NEU3: variants seen among roughly 807,000 people sequenced by gnomAD.
NEU3 encodes sialidase-3.
In NEU3, 10 loss-of-function variants were observed where a neutral mutation model predicts 11.4. The observed-to-expected ratio is 0.88, with a 90% CI of 0.54 to 1.49. The LOEUF (loss-of-function observed/expected upper bound fraction) is 1.49, where lower values mean the gene tolerates loss of function less well. Ranked by LOEUF, NEU3 falls within the 40% of genes most tolerant of loss-of-function variation. NEU3 has a pLI of 0.00. For missense variants in NEU3, 529 were observed against 581.8 expected, an observed-to-expected ratio of 0.91 and a Z score of 0.93; for synonymous variants, 212 against 228.2, an observed-to-expected ratio of 0.93 and a Z score of 0.64.
At chr11:74,988,895 G>C (rs1948697156), upstream of NEU3, 6 of 634,002 alleles carry the variant, frequency 9.5e-6, no homozygotes, top group Non-Finnish European at 1.7e-5. Flanking sequence ...ACTACAGCCT[G>C]CGCCCGCCTC....
intron 1 of NEU3, among the ~76,000 whole-genome samples, chr11:74,993,706 CG>C (rs956489004): frequency 6.6e-6 from 1 of 152,014 alleles, no homozygotes; most frequent in Non-Finnish European, 1.5e-5. Context: ...TTATGGAGTC[CG>C]AGAAATCCAA....
upstream of NEU3, chr11:74,988,318 A>T (rs1948690912): frequency 6.6e-6 from 1 of 152,188 alleles, no homozygotes; most frequent in Non-Finnish European, 1.5e-5. Flanking sequence ...TGTAGGCATA[A>T]GCCACCAGGC....
chr11:74,990,687 C>A (rs938968731), intron 1 of NEU3, among the ~76,000 whole-genome samples: 4 of 152,138 alleles, frequency 2.6e-5, no homozygotes, highest in Non-Finnish European at 4.4e-5. Flanking sequence ...GAGCCCTAAC[C>A]CGCTCCATGC....
At chr11:74,998,176 A>C (rs11820284) in intron 2 of NEU3, among the ~76,000 whole-genome samples, 1 of 152,222 alleles carries the variant, frequency 6.6e-6, no homozygotes, top group Admixed American at 6.5e-5. Context: ...TTCACCATGT[A>C]ATATGGGCAC....
chr11:74,995,691 TTG>T (rs1459244554), intron 2 of NEU3, among the ~76,000 whole-genome samples: 1 of 152,208 alleles, frequency 6.6e-6, no homozygotes, highest in African/African-American at 2.4e-5. Context: ...TAATGATTAT[TTG>T]AACCTTTGGC....
intron 2 of NEU3, among the ~76,000 whole-genome samples, chr11:75,002,307 C>G (rs984207482): frequency 2.0e-5 from 3 of 152,160 alleles, no homozygotes; most frequent in African/African-American, 7.2e-5. Flanking sequence ...CTCTGAGAGT[C>G]TATGATCTGC....
At chr11:74,998,187 A>G (rs1217063174) in intron 2 of NEU3, among the ~76,000 whole-genome samples, 1 of 152,282 alleles carries the variant, frequency 6.6e-6, no homozygotes, top group Non-Finnish European at 1.5e-5. Flanking sequence ...ATATGGGCAC[A>G]GTTGTCATAC....
chr11:74,995,227 CAG>C (rs925659499), intron 2 of NEU3, among the ~76,000 whole-genome samples: 3 of 152,158 alleles, frequency 2.0e-5, no homozygotes, highest in African/African-American at 7.2e-5. Flanking sequence ...TAGCAGGTGA[CAG>C]GGGGATACCA....
rs1325496123 is a variant in NEU3, at chr11:74,989,982, G to A, written c.94+828G>A. 2.4e-5 allele frequency: 17 copies of A among 702,448 alleles called. No individual in the cohort carries two copies. The East Asian group carries it at 4.6e-4, about 19-fold the overall frequency. 43.5% of individuals were successfully genotyped at this position (702,448 alleles called of 1,614,324 possible). Reference sequence around the variant, plus strand: ...TTCCAGCACCTGATTTGTGTGAAACGTTTTGGGTGGCAATGCCAGAATCAC... The same window carrying A: ...TTCCAGCACCTGATTTGTGTGAAACATTTTGGGTGGCAATGCCAGAATCAC... On this transcript the variant is annotated intron_variant, in intron 1 of 2. Coordinates refer to ENST00000294064, the MANE Select transcript of NEU3 (RefSeq NM_006656.6).
chr11:75,001,355 C>T (rs1429498636), intron 2 of NEU3, among the ~76,000 whole-genome samples: 2 of 150,522 alleles, frequency 1.3e-5, no homozygotes, highest in South Asian at 4.2e-4. Flanking sequence ...ACTCGGCTCA[C>T]TGCAACCTCT....
At chr11:74,990,878 A>G (rs543798076) in intron 1 of NEU3, among the ~76,000 whole-genome samples, 4 of 152,360 alleles carry the variant, frequency 2.6e-5, no homozygotes, top group East Asian at 3.9e-4. Context: ...AGGGAGTTGT[A>G]ATTGTTATTA....
chr11:75,020,025 A>G (rs1948996778), downstream of NEU3, among the ~76,000 whole-genome samples: 1 of 152,200 alleles, frequency 6.6e-6, no homozygotes, highest in South Asian at 2.1e-4. Flanking sequence ...CACCTCTTGC[A>G]TCAGTATGAC....
chr11:75,017,156 T>A (rs1164490208), intron 3 of NEU3, among the ~76,000 whole-genome samples: 1 of 152,186 alleles, frequency 6.6e-6, no homozygotes, highest in African/African-American at 2.4e-5. Flanking sequence ...CTTACAACTC[T>A]TGGGAGAGTA....
chr11:75,003,764 C>T (rs2140248426), intron 2 of NEU3, among the ~76,000 whole-genome samples: 1 of 152,182 alleles, frequency 6.6e-6, no homozygotes, highest in Middle Eastern at 3.4e-3. Flanking sequence ...GTGGTGCAAG[C>T]CTGTAATCCC....
chr11:75,005,166 G>A (rs189653519), intron 2 of NEU3, among the ~76,000 whole-genome samples: 2 of 152,262 alleles, frequency 1.3e-5, no homozygotes, highest in East Asian at 3.9e-4. Context: ...TGATTTGGAA[G>A]TCTAGATGAA....
At chr11:74,988,027 T>A (rs2140229274), upstream of NEU3, 1 of 151,856 alleles carries the variant, frequency 6.6e-6, no homozygotes, top group East Asian at 1.9e-4. Flanking sequence ...AGGCTCATCT[T>A]GTATGTTCCC....
chr11:74,998,188 G>A (rs754632207), intron 2 of NEU3, among the ~76,000 whole-genome samples: 11 of 152,238 alleles, frequency 7.2e-5, no homozygotes, highest in Non-Finnish European at 1.3e-4. Flanking sequence ...TATGGGCACA[G>A]TTGTCATACT....
chr11:74,994,090 C>G, intron 1 of NEU3, among the ~76,000 whole-genome samples: 1 of 152,150 alleles, frequency 6.6e-6, no homozygotes, highest in South Asian at 2.1e-4. Context: ...GGCTTTCGTA[C>G]AGAAAAAAAG....
intron 3 of NEU3, among the ~76,000 whole-genome samples, chr11:75,018,403 C>G (rs1458095162): frequency 6.6e-6 from 1 of 152,148 alleles, no homozygotes; most frequent in Non-Finnish European, 1.5e-5. Context: ...CAGACCCACT[C>G]TTAATCTGGG....
Sources: gnomAD v4.1 joint callset for allele counts (sites outside exome capture counted in the v4.1 genomes callset) on GRCh38, gnomAD v4.1.1 for gene constraint, MANE v1.5 for transcripts, NCBI Gene and HGNC (gene_info 2026-07-23, HGNC 2026-07-21) for gene names.